The following ZC2HC1A variants were observed in gnomAD, a reference collection of about 807,000 sequenced individuals.
The protein encoded by ZC2HC1A is zinc finger C2HC domain-containing protein 1A.
In ZC2HC1A, 28 loss-of-function variants were observed where a neutral mutation model predicts 40.7. The observed-to-expected ratio is 0.69, with a 90% confidence interval of 0.51 to 0.94. ZC2HC1A has a LOEUF of 0.94. Ranked by LOEUF, ZC2HC1A falls within the 40% of genes least tolerant of loss-of-function variation. The pLI is 0.00. For synonymous variants in ZC2HC1A, 129 were observed against 129.2 expected (o/e 1.00, Z 0.01); for missense variants, 389 against 386.3 (o/e 1.01, Z -0.06).
intron 4 of ZC2HC1A, among the ~76,000 whole-genome samples, chr8:78,688,006 G>T (rs1022867940): frequency 9.6e-5 from 14 of 146,472 alleles, no homozygotes; most frequent in African/African-American, 3.5e-4. Context: ...AATATAAAAT[G>T]AGCATGGCTG....
rs1003166383 is a variant in ZC2HC1A, at chr8:78,718,939, C to T, written c.*1446C>T. ...TAAAGAATTGTGGCTTATAATTTATCTGAAATTTATTAGCTTAGTTTAGTT... is the reference window on the plus strand; with the variant it reads ...TAAAGAATTGTGGCTTATAATTTATTTGAAATTTATTAGCTTAGTTTAGTT... On this transcript the variant is annotated 3_prime_UTR_variant, in exon 9 of 9. Transcript: ENST00000263849. The T allele has an allele frequency of 6.6e-6, 1 of 151,288 alleles. No individual in the cohort carries two copies. The highest frequency in any genetic ancestry group is 1.5e-5 in the Non-Finnish European group (1 of 67,570). 9.4% of individuals were successfully genotyped at this position (151,288 alleles called of 1,614,324 possible).
rs372101883 is a variant in ZC2HC1A at position 78,704,176 on chromosome 8, G to C, written c.704+5663G>C. Among the ~76,000 whole-genome samples the C allele has an allele frequency of 1.4e-4, 21 of 152,134 alleles. 1 individual carries two copies. Among genetic ancestry groups the C allele is most frequent in the East Asian group, 5.8e-4 (3 of 5,168 alleles). ...GCGAGCGGATCACCTGAGGTCAGGA[G>C]TTCAAGACCAGCCTGACCAATGTGG... is the stretch of plus-strand genomic sequence containing the variant. On this transcript the variant is annotated intron_variant, in intron 7 of 8. Transcript: ENST00000263849.
At chr8:78,713,009 A>C (rs1223013395) in intron 7 of ZC2HC1A, among the ~76,000 whole-genome samples, 2 of 152,152 alleles carry the variant, frequency 1.3e-5, no homozygotes, top group East Asian at 3.9e-4. Context: ...TAGCAGGAAG[A>C]GTTTGTGCTG....
intron 7 of ZC2HC1A, among the ~76,000 whole-genome samples, chr8:78,709,719 TAA>T (rs762270772): frequency 1.8e-4 from 24 of 130,342 alleles, no homozygotes; most frequent in Admixed American, 3.1e-4. Context: ...GCTGATGAAC[TAA>T]AAAAAAAAAA....
intron 3 of ZC2HC1A, 200 bp downstream of exon 3, chr8:78,678,879 G>C: frequency 3.0e-6 from 1 of 331,674 alleles, no homozygotes; most frequent in Non-Finnish European, 5.3e-6. Context: ...TAAAAAATAA[G>C]CTTCTAAACT....
At chr8:78,670,750 T>G (rs989233119) in intron 1 of ZC2HC1A, among the ~76,000 whole-genome samples, 1 of 152,168 alleles carries the variant, frequency 6.6e-6, no homozygotes, top group African/African-American at 2.4e-5. Context: ...TGTTTTAAAG[T>G]CCAGAGTTGG....
At chr8:78,717,287 G>A in intron 8 of ZC2HC1A, 41 bp from the exon 9 acceptor site, 2 of 1,577,034 alleles carry the variant, frequency 1.3e-6, no homozygotes, top group African/African-American at 1.4e-5. Context: ...GAAAACTACT[G>A]ATACAAACTT....
chr8:78,696,374 T>G (rs1736156790), intron 5 of ZC2HC1A, among the ~76,000 whole-genome samples: 1 of 152,164 alleles, frequency 6.6e-6, no homozygotes, highest in African/African-American at 2.4e-5. Context: ...GATACCGTAT[T>G]GGGCTACATT....
At position 78,718,690 on chromosome 8, in the gene ZC2HC1A, T is replaced by G. The variant is rs761550002; in HGVS notation, c.*1197T>G. 3.3e-5 allele frequency: 5 copies of G among 151,874 alleles called. No homozygotes were observed. The highest frequency in any genetic ancestry group is 7.4e-5 in the Non-Finnish European group (5 of 67,762). 9.4% of individuals were successfully genotyped at this position (151,874 alleles called of 1,614,324 possible). On this transcript the variant is annotated 3_prime_UTR_variant, in exon 9 of 9. Transcript: ENST00000263849. The stretch of plus-strand genomic sequence containing the variant: ...AAACATACACACAAATTTAATTATT[T>G]TTTTCTCTTTAACCTGATCACGACA...
intron 7 of ZC2HC1A, among the ~76,000 whole-genome samples, chr8:78,703,186 C>T (rs368339443): frequency 6.6e-5 from 10 of 152,144 alleles, no homozygotes; most frequent in South Asian, 6.2e-4. Context: ...CATGAGCCAC[C>T]GCGCCTGGCC....
intron 1 of ZC2HC1A, among the ~76,000 whole-genome samples, chr8:78,669,782 C>T (rs550856501): frequency 2.0e-5 from 3 of 152,208 alleles, no homozygotes; most frequent in Admixed American, 6.5e-5. Flanking sequence ...CACCATGTAA[C>T]ATTTTATATA....
chr8:78,706,199 G>C (rs936828289), intron 7 of ZC2HC1A, among the ~76,000 whole-genome samples: 1 of 152,176 alleles, frequency 6.6e-6, no homozygotes, highest in African/African-American at 2.4e-5. Context: ...ACTGGTGGCT[G>C]GCTGGAATTC....
chr8:78,675,997 G>A (rs538054253), intron 2 of ZC2HC1A, 134 bp downstream of exon 2: 18 of 610,118 alleles, frequency 3.0e-5, no homozygotes, highest in African/African-American at 2.3e-4. Context: ...TTGTTCAAGG[G>A]TCTTGATTTC....
At chr8:78,705,041 A>G (rs1040887625) in intron 7 of ZC2HC1A, among the ~76,000 whole-genome samples, 5 of 152,126 alleles carry the variant, frequency 3.3e-5, no homozygotes, top group Admixed American at 1.3e-4. Flanking sequence ...TTGGATTACA[A>G]TGTATTGCTT....
Position 78,717,509 on chromosome 8 carries a change from A to C in ZC2HC1A, c.*16A>C, listed in dbSNP as rs778095421. The C allele has an allele frequency of 6.4e-7, 1 of 1,554,948 alleles. No homozygotes were observed. Among genetic ancestry groups the C allele is most frequent in the South Asian group, 1.2e-5 (1 of 81,534 alleles). On this transcript the variant is annotated 3_prime_UTR_variant, in exon 9 of 9. Coordinates refer to ENST00000263849, the MANE Select transcript of ZC2HC1A (RefSeq NM_016010.3). ...GATTCTATGAATAGAATCTCAAAAA[A>C]AAAAAAAAGCCAAGTTCAGAGTTTA...
chr8:78,693,947 A>C (rs1234948906), intron 5 of ZC2HC1A, among the ~76,000 whole-genome samples: 1 of 152,184 alleles, frequency 6.6e-6, no homozygotes, highest in Non-Finnish European at 1.5e-5. Context: ...AGCTTTCTAC[A>C]TATGGCTAGC....
intron 5 of ZC2HC1A, among the ~76,000 whole-genome samples, chr8:78,690,202 T>G (rs946492472): frequency 6.6e-6 from 1 of 152,196 alleles, no homozygotes; most frequent in Admixed American, 6.5e-5. Context: ...CTATACTGAA[T>G]AGTGAACCTT....
At chr8:78,691,361 T>A (rs1390603413) in intron 5 of ZC2HC1A, among the ~76,000 whole-genome samples, 1 of 152,202 alleles carries the variant, frequency 6.6e-6, no homozygotes, top group Non-Finnish European at 1.5e-5. Context: ...TATAAATTGT[T>A]CCTTTTTGTC....
At chr8:78,705,743 T>G (rs62518985) in intron 7 of ZC2HC1A, among the ~76,000 whole-genome samples, 7,836 of 152,150 alleles carry the variant, frequency 0.052, 283 homozygotes, top group Middle Eastern at 0.082. Flanking sequence ...CCCAGGGACT[T>G]TGCAAATCTC....
Sources: allele counts gnomAD v4.1 joint callset (sites outside exome capture counted in the v4.1 genomes callset), GRCh38; gene constraint gnomAD v4.1.1; transcripts MANE v1.5; gene names NCBI Gene and HGNC (gene_info 2026-07-23, HGNC 2026-07-21).